The following DTNA variants were observed in gnomAD, a reference collection of about 807,000 sequenced individuals.
DTNA encodes dystrophin-related protein 3.
Under a neutral mutation model 100.7 loss-of-function variants are expected in DTNA, and 43 were observed. The ratio of observed to expected loss-of-function variants is 0.43; its 90% CI spans 0.33 to 0.55. The LOEUF is 0.55. DTNA is among the 20% of genes least tolerant of loss of function. The pLI, the probability that DTNA is intolerant of heterozygous loss-of-function variation, is 0.04. For synonymous variants in DTNA, 349 were observed against 347.9 expected, an observed-to-expected ratio of 1.00 and a Z score of -0.04; for missense variants, 798 against 953.9, an observed-to-expected ratio of 0.84 and a Z score of 2.15.
intron 20 of DTNA, 34 bp from the exon 21 acceptor site, chr18:34,882,035 T>G (rs2096878459): frequency 1.2e-6 from 2 of 1,613,872 alleles, no homozygotes; most frequent in African/African-American, 2.7e-5. Flanking sequence ...CTTTTAAGAT[T>G]TGCTCTAACA....
At chr18:34,739,190 T>C (rs2090181020) in intron 1 of DTNA, among the ~76,000 whole-genome samples, 1 of 152,206 alleles carries the variant, frequency 6.6e-6, no homozygotes, top group Admixed American at 6.5e-5. Context: ...GGATTTATAT[T>C]AAAAATAAAC....
At chr18:34,510,786 A>G (rs2040999648) in intron 1 of DTNA, among the ~76,000 whole-genome samples, 1 of 152,004 alleles carries the variant, frequency 6.6e-6, no homozygotes, top group African/African-American at 2.4e-5. Flanking sequence ...TTTAAGGCTA[A>G]TAGTAATGAT....
intron 1 of DTNA, among the ~76,000 whole-genome samples, chr18:34,548,947 T>A (rs959694680): frequency 6.6e-6 from 1 of 152,118 alleles, no homozygotes; most frequent in Non-Finnish European, 1.5e-5. Flanking sequence ...ATCAAGTCTC[T>A]AGAATGATTG....
chr18:34,887,600 C>T lies in DTNA; in HGVS notation c.*32-166C>T, dbSNP rs546741867. Among the ~76,000 whole-genome samples the T allele has an allele frequency of 3.3e-5, 5 of 152,182 alleles. No homozygotes were observed. The South Asian group carries it at 1.0e-3, about 32-fold the overall frequency. On this transcript the variant is annotated intron_variant, in intron 22 of 22. Transcript: ENST00000444659. ...GGTGCAATAGCACAGTGTCCTAGGACTTTCATTCCTGATTGTCGTAGGAAA... is the reference window on the plus strand; with the variant it reads ...GGTGCAATAGCACAGTGTCCTAGGATTTTCATTCCTGATTGTCGTAGGAAA...
intron 1 of DTNA, among the ~76,000 whole-genome samples, chr18:34,741,247 G>C (rs2090596946): frequency 6.6e-6 from 1 of 152,010 alleles, no homozygotes; most frequent in African/African-American, 2.4e-5. Context: ...ATACCCTTTG[G>C]CTAGCTAGCT....
At position 34,824,697 on chromosome 18, in the gene DTNA, TA is replaced by T. The variant is rs549884149; in HGVS notation, c.1002-2895del. ...AATGCTTTATCAATACATTAGAAAA[TA>T]TTTTTATTACTCATTTAAAACTCAA... is the stretch of plus-strand genomic sequence containing the variant. On this transcript the variant is annotated intron_variant, in intron 9 of 22. Transcript: ENST00000444659. Among the ~76,000 whole-genome samples the T allele has an allele frequency of 2.6e-3, 396 of 152,080 alleles. 2 individuals carry two copies. Among genetic ancestry groups the T allele is most frequent in the African/African-American group, 9.2e-3 (381 of 41,494 alleles).
chr18:34,787,891 G>A (rs1024745099), intron 3 of DTNA, among the ~76,000 whole-genome samples: 1 of 152,052 alleles, frequency 6.6e-6, no homozygotes, highest in Non-Finnish European at 1.5e-5. Flanking sequence ...CACTATTATC[G>A]TTACTTTTAA....
chr18:34,679,152 A>T (rs990893424), intron 1 of DTNA, among the ~76,000 whole-genome samples: 2 of 152,200 alleles, frequency 1.3e-5, no homozygotes, highest in Non-Finnish European at 2.9e-5. Context: ...AACTAAATCC[A>T]TAGAGCTATA....
At chr18:34,522,510 T>G (rs1380178501) in intron 1 of DTNA, among the ~76,000 whole-genome samples, 2 of 152,166 alleles carry the variant, frequency 1.3e-5, no homozygotes, top group African/African-American at 4.8e-5. Context: ...GATAAATGGA[T>G]CATTTTCCTC....
At chr18:34,811,838 T>A in intron 5 of DTNA, 121 bp from the exon 6 acceptor site, 2 of 1,178,722 alleles carry the variant, frequency 1.7e-6, no homozygotes, top group South Asian at 1.4e-5. Context: ...AGCTTTTATA[T>A]TATTCTTTCA....
intron 1 of DTNA, among the ~76,000 whole-genome samples, chr18:34,724,896 A>G (rs1322989542): frequency 6.6e-6 from 1 of 152,238 alleles, no homozygotes; most frequent in Admixed American, 6.5e-5. Flanking sequence ...ATATAGATCA[A>G]TGGAACAGAA....
chr18:34,566,103 A>C (rs2047059352), intron 1 of DTNA, among the ~76,000 whole-genome samples: 1 of 152,232 alleles, frequency 6.6e-6, no homozygotes, highest in South Asian at 2.1e-4. Context: ...TGGGTTGGAC[A>C]GAAGAATGGA....
rs1238963819 is a variant in DTNA, at chr18:34,566,455, G to T, written c.-2+72941G>T. On this transcript the variant is annotated intron_variant, in intron 1 of 19. Coordinates refer to the DTNA transcript ENST00000283365. ...AGAATTTTTTTACCTAATGGACAAA[G>T]AAATTAAACCAATACATGGCCTTCC... Among the ~76,000 whole-genome samples, 3 of 152,258 alleles carry T rather than the reference G, an allele frequency of 2.0e-5. No individual in the cohort carries two copies. The East Asian group carries it at 5.8e-4, about 29-fold the overall frequency.
intron 1 of DTNA, among the ~76,000 whole-genome samples, chr18:34,614,393 T>G (rs894134853): frequency 2.0e-5 from 3 of 152,188 alleles, no homozygotes; most frequent in Non-Finnish European, 4.4e-5. Flanking sequence ...AGTCTCATTA[T>G]TTCAGAAATA....
chr18:34,830,984 G>T (rs943339114), intron 11 of DTNA, among the ~76,000 whole-genome samples: 4 of 152,114 alleles, frequency 2.6e-5, no homozygotes, highest in Non-Finnish European at 5.9e-5. Flanking sequence ...TTATTGCAAG[G>T]ACTGACCACA....
chr18:34,493,979 G>C (rs1244979263), intron 1 of DTNA: 1 of 149,124 alleles, frequency 6.7e-6, no homozygotes, highest in Admixed American at 6.7e-5. Flanking sequence ...CGGCGGTAGC[G>C]GCTGCTGCAG....
intron 1 of DTNA, among the ~76,000 whole-genome samples, chr18:34,581,697 T>C (rs963825414): frequency 6.8e-6 from 1 of 148,090 alleles, no homozygotes; most frequent in Non-Finnish European, 1.5e-5. Flanking sequence ...CTCGGCTCAC[T>C]GCACCCTCCA....
At chr18:34,582,851 C>T (rs1444962337) in intron 1 of DTNA, among the ~76,000 whole-genome samples, 1 of 152,104 alleles carries the variant, frequency 6.6e-6, no homozygotes, top group Non-Finnish European at 1.5e-5. Context: ...CAAGAGAAAC[C>T]TTACCTCAAA....
At chr18:34,581,463 T>G (rs1343458845) in intron 1 of DTNA, among the ~76,000 whole-genome samples, 7 of 152,130 alleles carry the variant, frequency 4.6e-5, no homozygotes, top group African/African-American at 1.7e-4. Context: ...TCTTCAGCTC[T>G]CTGATGTGTT....
Sources: allele counts gnomAD v4.1 joint callset (sites outside exome capture counted in the v4.1 genomes callset), GRCh38; gene constraint gnomAD v4.1.1; transcripts MANE v1.5; gene names NCBI Gene and HGNC (gene_info 2026-07-23, HGNC 2026-07-21).